The following YEATS2 variants were observed in gnomAD, a reference collection of about 807,000 sequenced individuals.
The protein encoded by YEATS2 is YEATS domain containing 2.
A neutral mutation model predicts 163.2 loss-of-function variants in YEATS2; 77 were observed. That is an observed-to-expected ratio of 0.47 (90% CI 0.39 to 0.57). YEATS2 has a LOEUF of 0.57. YEATS2 is among the 20% of genes least tolerant of loss of function. The pLI is 0.00. For synonymous variants in YEATS2, 631 were observed against 645.1 expected, an observed-to-expected ratio of 0.98 and a Z score of 0.33; for missense variants, 1,549 against 1,729.8, an observed-to-expected ratio of 0.90 and a Z score of 1.85.
intron 1 of YEATS2, among the ~76,000 whole-genome samples, chr3:183,703,249 G>T (rs1290723074): frequency 1.3e-5 from 2 of 152,130 alleles, no homozygotes; most frequent in African/African-American, 4.8e-5. Flanking sequence ...TAAAAGATCT[G>T]TTTTTGTTTT....
intron 8 of YEATS2, among the ~76,000 whole-genome samples, chr3:183,743,378 T>C (rs1341693867): frequency 6.6e-6 from 1 of 152,154 alleles, no homozygotes; most frequent in Non-Finnish European, 1.5e-5. Context: ...GTCTCACTGT[T>C]GCCCAGGCTA....
Position 183,722,120 on chromosome 3 carries a change from G to T in YEATS2, c.521G>T (p.Ser174Ile). Reference protein sequence around the residue: ...RLSNNMEQRPSRNTGRDTSRI... With the variant: ...RLSNNMEQRPIRNTGRDTSRI... ...TCAAACAACATGGAGCAGAGACCAA[G>T]CCGAAATACTGGAAGGGTATATAGA... Residue 174 changes from serine to isoleucine, a missense_variant, in exon 5 of 31, where the codon AGC becomes ATC. Coordinates refer to ENST00000305135, the MANE Select transcript of YEATS2 (RefSeq NM_018023.5). 6.2e-7 allele frequency: 1 copy of T among 1,613,974 alleles called. No individual in the cohort carries two copies. Among genetic ancestry groups the T allele is most frequent in the Non-Finnish European group, 8.5e-7 (1 of 1,179,994 alleles).
chr3:183,732,083 G>A (rs1010630104), intron 7 of YEATS2, among the ~76,000 whole-genome samples: 1 of 151,732 alleles, frequency 6.6e-6, no homozygotes, highest in Non-Finnish European at 1.5e-5. Flanking sequence ...GTCTATTACT[G>A]CACTTACTCA....
At chr3:183,718,822 G>C (rs933616830) in intron 4 of YEATS2, among the ~76,000 whole-genome samples, 1 of 152,198 alleles carries the variant, frequency 6.6e-6, no homozygotes, top group East Asian at 1.9e-4. Context: ...AGCCTCCTGA[G>C]TAGCTGGGAT....
intron 21 of YEATS2, among the ~76,000 whole-genome samples, chr3:183,791,407 T>C (rs1171490424): frequency 6.6e-6 from 1 of 152,252 alleles, no homozygotes; most frequent in African/African-American, 2.4e-5. Flanking sequence ...CAGCATTTTC[T>C]GAACAGTTGC....
chr3:183,743,081 A>G (rs1719146296), intron 8 of YEATS2, among the ~76,000 whole-genome samples: 1 of 152,228 alleles, frequency 6.6e-6, no homozygotes, highest in Non-Finnish European at 1.5e-5. Context: ...ACTGGGAAAC[A>G]GATTCATTGT....
At chr3:183,702,181 A>G (rs1447946937) in intron 1 of YEATS2, among the ~76,000 whole-genome samples, 2 of 152,190 alleles carry the variant, frequency 1.3e-5, no homozygotes, top group African/African-American at 4.8e-5. Flanking sequence ...GCGGTGGCTC[A>G]TACCTGTAGT....
At chr3:183,806,059 T>C (rs1034645184) in intron 27 of YEATS2, 2 of 349,370 alleles carry the variant, frequency 5.7e-6, no homozygotes, top group Non-Finnish European at 1.1e-5. Flanking sequence ...TACAATGGTT[T>C]GACCTGTGAT....
At chr3:183,726,368 A>C (rs1043871222) in intron 6 of YEATS2, among the ~76,000 whole-genome samples, 3 of 152,154 alleles carry the variant, frequency 2.0e-5, no homozygotes, top group Admixed American at 2.0e-4. Flanking sequence ...TTTGTAACAA[A>C]AGGTTGCTGA....
At chr3:183,768,452 T>C (rs896931659) in intron 15 of YEATS2, among the ~76,000 whole-genome samples, 5 of 152,192 alleles carry the variant, frequency 3.3e-5, no homozygotes, top group Admixed American at 1.3e-4. Flanking sequence ...GGGGCTCTGT[T>C]ACTATGAGAG....
intron 10 of YEATS2, among the ~76,000 whole-genome samples, chr3:183,752,957 T>C (rs1720344737): frequency 6.6e-6 from 1 of 151,544 alleles, no homozygotes; most frequent in African/African-American, 2.4e-5. Flanking sequence ...ACCACCGCTC[T>C]CGGCTAATTT....
At chr3:183,764,748 A>G (rs1249127017) in intron 15 of YEATS2, among the ~76,000 whole-genome samples, 1 of 152,210 alleles carries the variant, frequency 6.6e-6, no homozygotes, top group Non-Finnish European at 1.5e-5. Flanking sequence ...CAGAGGTTGC[A>G]GTGAGACGAG....
At chr3:183,775,781 A>G (rs1192533419) in intron 17 of YEATS2, 134 bp from the exon 18 acceptor site, 2 of 1,382,496 alleles carry the variant, frequency 1.4e-6, no homozygotes, top group African/African-American at 2.8e-5. Context: ...TAGATTACAG[A>G]AAAGACGGAG....
intron 8 of YEATS2, among the ~76,000 whole-genome samples, chr3:183,740,874 G>A (rs1718880455): frequency 6.6e-6 from 1 of 152,234 alleles, no homozygotes; most frequent in Non-Finnish European, 1.5e-5. Flanking sequence ...CTAGAGAGGA[G>A]AAGTCAATGC....
rs571506437 is a variant in YEATS2, at chr3:183,712,648, C to G, written c.-19-2496C>G. On this transcript the variant is annotated intron_variant, in intron 1 of 30. Coordinates refer to ENST00000305135, the MANE Select transcript of YEATS2 (RefSeq NM_018023.5). The stretch of plus-strand genomic sequence containing the variant: ...ATAGATTAACACTGTAAGGGATAAT[C>G]TAACCACCCTGGACCTGTTTCCTTA... Among the ~76,000 whole-genome samples, 3 of 152,268 alleles carry G rather than the reference C, an allele frequency of 2.0e-5. 1 individual carries two copies. The South Asian group carries it at 6.2e-4, about 32-fold the overall frequency.
Position 183,772,784 on chromosome 3 carries a change from T to TAC in YEATS2, c.2206+234_2206+235dup, listed in dbSNP as rs879334321. Among the ~76,000 whole-genome samples the TAC allele has an allele frequency of 0.016, 1,740 of 111,336 alleles. 64 individuals are homozygous for TAC. The East Asian group carries it at 0.21, about 13-fold the overall frequency. 73.0% of individuals were successfully genotyped at this position (111,336 alleles called of 152,430 possible). On this transcript the variant is annotated intron_variant, in intron 16 of 30. Transcript: ENST00000305135. ...ACACACACACACACACACACCCACA[T>TAC]ACACACACACACACGAACAAATCAT...
intron 19 of YEATS2, among the ~76,000 whole-genome samples, chr3:183,783,454 C>T (rs1723765617): frequency 6.6e-6 from 1 of 152,194 alleles, no homozygotes; most frequent in African/African-American, 2.4e-5. Flanking sequence ...AGGTTTGTTA[C>T]ATGGGTATAT....
intron 18 of YEATS2, among the ~76,000 whole-genome samples, chr3:183,776,556 A>C (rs1251021799): frequency 6.6e-6 from 1 of 152,116 alleles, no homozygotes; most frequent in Non-Finnish European, 1.5e-5. Flanking sequence ...TCAAAAAAAA[A>C]CTATGTGTTT....
intron 8 of YEATS2, among the ~76,000 whole-genome samples, chr3:183,745,659 A>G (rs1018649291): frequency 4.6e-5 from 7 of 152,174 alleles, no homozygotes; most frequent in African/African-American, 1.4e-4. Context: ...GTTACATAAA[A>G]TTTAAAGTTC....
Sources: allele counts gnomAD v4.1 joint callset (sites outside exome capture counted in the v4.1 genomes callset), GRCh38; gene constraint gnomAD v4.1.1; transcripts MANE v1.5; gene names NCBI Gene and HGNC (gene_info 2026-07-23, HGNC 2026-07-21).